The following UBE2D2 variants were observed in gnomAD, a reference collection of about 807,000 sequenced individuals.
UBE2D2 encodes ubiquitin-conjugating enzyme E2 D2.
In UBE2D2, 2 loss-of-function variants were observed where a neutral mutation model predicts 24.2. The observed-to-expected ratio is 0.08, with a 90% confidence interval of 0.03 to 0.26. The LOEUF (loss-of-function observed/expected upper bound fraction) is 0.26. Among genes scored for constraint, UBE2D2 ranks in the 10% least tolerant of loss-of-function variants. The pLI, the probability that UBE2D2 is intolerant of heterozygous loss-of-function variation, is 1.00. For synonymous variants in UBE2D2, 58 were observed against 56.5 expected (o/e 1.03, Z -0.12); for missense variants, 44 against 177.6 (o/e 0.25, Z 4.28).
chr5:139,576,090 TTAAAA>T (rs1282527536), intron 1 of UBE2D2, among the ~76,000 whole-genome samples: 1 of 152,242 alleles, frequency 6.6e-6, no homozygotes, highest in Non-Finnish European at 1.5e-5. Flanking sequence ...TTTAGATTTC[TTAAAA>T]TAATAGCACA....
At chr5:139,600,568 C>G in intron 2 of UBE2D2, 133 bp downstream of exon 2, 2 of 788,150 alleles carry the variant, frequency 2.5e-6, no homozygotes, top group Non-Finnish European at 4.1e-6. Flanking sequence ...TATGTTCATC[C>G]CATTATCATC....
At chr5:139,552,635 A>G (rs544804901) in intron 1 of UBE2D2, among the ~76,000 whole-genome samples, 216 of 137,638 alleles carry the variant, frequency 1.6e-3, no homozygotes, top group African/African-American at 4.8e-3. Flanking sequence ...CAGCCTCCCG[A>G]GTAGCTGTGA....
chr5:139,561,951 A>C, intron 1 of UBE2D2, 136 bp downstream of exon 1: 2 of 1,225,470 alleles, frequency 1.6e-6, no homozygotes, highest in South Asian at 1.8e-5. Context: ...CGGCCTCCAT[A>C]CCCCACTCCC....
chr5:139,612,735 T>TA (rs1198053213), intron 2 of UBE2D2, among the ~76,000 whole-genome samples: 3 of 152,198 alleles, frequency 2.0e-5, no homozygotes, highest in Admixed American at 2.0e-4. Flanking sequence ...TATTTGTGAT[T>TA]AAAAATAGAG....
At chr5:139,577,867 C>T (rs1753513387) in intron 1 of UBE2D2, among the ~76,000 whole-genome samples, 2 of 152,196 alleles carry the variant, frequency 1.3e-5, no homozygotes, top group Non-Finnish European at 2.9e-5. Flanking sequence ...ATTAGTGTTA[C>T]AGAAGAGGGT....
At chr5:139,615,023 G>T (rs1412272958) in intron 5 of UBE2D2, 57 bp downstream of exon 5, 3 of 1,459,488 alleles carry the variant, frequency 2.1e-6, no homozygotes, top group Non-Finnish European at 2.8e-6. Context: ...TCTTTTTAGA[G>T]TTATTTATTT....
intron 1 of UBE2D2, chr5:139,562,257 A>C: frequency 7.4e-7 from 1 of 1,358,166 alleles, no homozygotes; most frequent in Middle Eastern, 2.1e-4. Flanking sequence ...CCTCCACAAA[A>C]CCGCCTGAGC....
chr5:139,550,660 C>A (rs942232669), intron 1 of UBE2D2, among the ~76,000 whole-genome samples: 7 of 152,118 alleles, frequency 4.6e-5, no homozygotes, highest in East Asian at 1.9e-4. Flanking sequence ...TAACACTCTT[C>A]GTGAAGCTCT....
At chr5:139,570,417 C>T (rs748914642) in intron 1 of UBE2D2, among the ~76,000 whole-genome samples, 37 of 151,642 alleles carry the variant, frequency 2.4e-4, no homozygotes, top group Admixed American at 5.9e-4. Context: ...CTCGGCTCAC[C>T]GCAACCTCTG....
chr5:139,626,399 G>A (rs1465585300), intron 6 of UBE2D2, among the ~76,000 whole-genome samples: 1 of 152,152 alleles, frequency 6.6e-6, no homozygotes, highest in Non-Finnish European at 1.5e-5. Flanking sequence ...ATTAGTATAT[G>A]AGTTCAAGAA....
chr5:139,563,907 C>T (rs1241349257), intron 1 of UBE2D2, among the ~76,000 whole-genome samples: 1 of 151,700 alleles, frequency 6.6e-6, no homozygotes, highest in African/African-American at 2.4e-5. Flanking sequence ...TGCACTCCAG[C>T]CTGGGCCACA....
chr5:139,562,202 T>C (rs1753116778), intron 1 of UBE2D2: 3 of 1,380,788 alleles, frequency 2.2e-6, no homozygotes, highest in East Asian at 3.9e-5. Flanking sequence ...TCGAAAGGGC[T>C]TCTCGCCCCA....
intron 1 of UBE2D2, among the ~76,000 whole-genome samples, chr5:139,595,889 G>GTTTTTTTTTT (rs1561514902): frequency 1.8e-5 from 2 of 113,020 alleles, no homozygotes; most frequent in African/African-American, 7.2e-5. Context: ...TTTGTTTTTT[G>GTTTTTTTTTT]TTGTTTTTTT....
intron 2 of UBE2D2, among the ~76,000 whole-genome samples, chr5:139,604,855 G>A (rs1260224878): frequency 1.3e-5 from 2 of 151,222 alleles, no homozygotes; most frequent in African/African-American, 4.9e-5. Context: ...ACTCTAGCTT[G>A]GATGACAGGT....
chr5:139,604,707 A>G (rs1195522485), intron 2 of UBE2D2, among the ~76,000 whole-genome samples: 1 of 152,066 alleles, frequency 6.6e-6, no homozygotes, highest in Non-Finnish European at 1.5e-5. Context: ...CAACAAAGCA[A>G]GACCCCATCT....
At chr5:139,595,354 CTATT>C (rs1404981248) in intron 1 of UBE2D2, among the ~76,000 whole-genome samples, 2 of 151,878 alleles carry the variant, frequency 1.3e-5, no homozygotes, top group Non-Finnish European at 2.9e-5. Flanking sequence ...TGGGTTTTCA[CTATT>C]TAGATTACAC....
chr5:139,577,404 C>CTTT lies in UBE2D2; in HGVS notation c.24+15612_24+15614dup, dbSNP rs869189901. On this transcript the variant is annotated intron_variant, in intron 1 of 6. Coordinates refer to ENST00000398733, the MANE Select transcript of UBE2D2 (RefSeq NM_003339.3). Reference sequence around the variant, plus strand: ...AAACAGGATGCCAGTTAGCATCTCTCTTTTTTTTTTTTTTTTTTTTTTTTT... The same window carrying CTTT: ...AAACAGGATGCCAGTTAGCATCTCTCTTTTTTTTTTTTTTTTTTTTTTTTTTTT... 6.7e-3 allele frequency among the ~76,000 whole-genome samples: 465 copies of CTTT among 69,086 alleles called. 2 individuals carry two copies. The highest frequency in any genetic ancestry group is 0.025 in the Middle Eastern group (2 of 80). The allele number at this position is 69,086 out of a possible 152,430, so 45.3% of individuals were successfully genotyped here.
At chr5:139,623,700 G>GTTTTTTTGTTTGT (rs1754561590) in intron 6 of UBE2D2, 8 of 341,118 alleles carry the variant, frequency 2.3e-5, no homozygotes, top group Non-Finnish European at 2.7e-5. Context: ...TTTTTTGTTT[G>GTTTTTTTGTTTGT]TTTTTTTTTG....
At position 139,613,185 on chromosome 5, in the gene UBE2D2, C is replaced by G. The variant is rs3777110; in HGVS notation, c.89-1401C>G. Among the ~76,000 whole-genome samples, 3 of 152,310 alleles carry G rather than the reference C, an allele frequency of 2.0e-5. No individual in the cohort carries two copies. In the East Asian group the frequency reaches 5.8e-4, roughly 29 times the overall value. Reference sequence around the variant, plus strand: ...GGTTCAAGTCCCAGTGAGCAACAAACCAACTTTAGGGATTAATTTGATATT... The same window carrying G: ...GGTTCAAGTCCCAGTGAGCAACAAAGCAACTTTAGGGATTAATTTGATATT... On this transcript the variant is annotated intron_variant, in intron 2 of 6. Transcript: ENST00000398733.
Sources: gnomAD v4.1 joint callset for allele counts (sites outside exome capture counted in the v4.1 genomes callset) on GRCh38, gnomAD v4.1.1 for gene constraint, MANE v1.5 for transcripts, NCBI Gene and HGNC (gene_info 2026-07-23, HGNC 2026-07-21) for gene names.